The following LRTM2 variants were observed in gnomAD, a reference collection of about 807,000 sequenced individuals.
LRTM2 encodes the protein leucine-rich repeat and transmembrane domain-containing protein 2.
LRTM2 carries 18 observed loss-of-function variants against 28.1 expected under a neutral mutation model. The observed-to-expected ratio is 0.64, with a 90% CI of 0.44 to 0.95. The LOEUF (loss-of-function observed/expected upper bound fraction) is 0.95, where lower values mean the gene tolerates loss of function less well. Ranked by LOEUF, LRTM2 falls within the 40% of genes least tolerant of loss-of-function variation. The pLI is 0.00. For missense variants in LRTM2, 436 were observed against 497.2 expected (o/e 0.88, Z 1.17); for synonymous variants, 250 against 218.7 (o/e 1.14, Z -1.26).
In LRTM2 at chr12:1,828,186, G is replaced by A; in HGVS notation, c.38G>A (p.Arg13Lys). ...GGCAGCAGCCCTGGGCAGAGGGGCA[G>A]GCTCGCCCTGCAGTGGAGGCAAGTC... Reference protein sequence around the residue: ...APGSSPGQRGRLALQWRQVSW... With the variant: ...APGSSPGQRGKLALQWRQVSW... Residue 13 changes from arginine to lysine, a missense_variant, in exon 3 of 5, where the codon AGG becomes AAG. Transcript: ENST00000299194. This position sits in a 1 kb window ranked among gnomAD's most constrained non-coding sequence, Gnocchi z 4.2. The A allele has an allele frequency of 7.1e-6, 11 of 1,547,438 alleles. No individual in the cohort carries two copies. The highest frequency in any genetic ancestry group is 9.6e-6 in the Non-Finnish European group (11 of 1,145,572).
At position 1,834,451 on chromosome 12, in the gene LRTM2, C is replaced by T. The variant is rs151123520; in HGVS notation, c.843C>T (p.Pro281=). ...GTCCAGAGCCTGCTAAGCCCAAGCC[C>T]GGGGCTGAGCCGGAGCCGGAGCCCA... ...KASPEPAKPK[P]GAEPEPEPST... The change falls in exon 5 of 5, where the codon CCC becomes CCT. Residue 281 remains proline, a synonymous_variant. Transcript: ENST00000299194. This position sits in a 1 kb window ranked among gnomAD's most constrained non-coding sequence, Gnocchi z 7.6. 9.1e-4 allele frequency: 1,463 copies of T among 1,611,874 alleles called. 3 individuals carry two copies. The highest frequency in any genetic ancestry group is 1.3e-3 in the East Asian group (57 of 44,874).
Position 1,834,370 on chromosome 12 carries a change from G to C in LRTM2, c.762G>C (p.Glu254Asp). ...TGTTCAACTACTGCTCCCAGCTGGA[G>C]GACGAGAATAGCTCAGCTGGGCTGG... ...MEMFNYCSQL[E>D]DENSSAGLDI... Residue 254 changes from glutamate to aspartate, a missense_variant, in exon 5 of 5, where the codon GAG becomes GAC. By Grantham distance (45) the Glu-to-Asp change is conservative (BLOSUM62 2). Coordinates refer to ENST00000299194, the MANE Select transcript of LRTM2 (RefSeq NM_001039029.3). The surrounding 1 kb of genome is among the most constrained non-coding windows in gnomAD (Gnocchi z 7.6). 6.2e-7 allele frequency: 1 copy of C among 1,613,196 alleles called. No homozygotes were observed. Among genetic ancestry groups the C allele is most frequent in the Non-Finnish European group, 8.5e-7 (1 of 1,180,006 alleles).
chr12:1,821,622 G>T (rs1384326363), intron 1 of LRTM2, among the ~76,000 whole-genome samples: 1 of 152,168 alleles, frequency 6.6e-6, no homozygotes, highest in Non-Finnish European at 1.5e-5. Flanking sequence ...AGCTTGGGTG[G>T]GGGGTACACA....
Position 1,835,711 on chromosome 12 carries a change from G to A in LRTM2, c.*990G>A, listed in dbSNP as rs1358107869. The A allele has an allele frequency of 6.5e-6, 1 of 152,708 alleles. No homozygotes were observed. Among genetic ancestry groups the A allele is most frequent in the Non-Finnish European group, 1.5e-5 (1 of 68,122 alleles). 9.5% of individuals were successfully genotyped at this position (152,708 alleles called of 1,614,324 possible). A position where few individuals can be genotyped will look rare whatever the true frequency, so the allele number is the denominator to read the frequency against. On this transcript the variant is annotated 3_prime_UTR_variant, in exon 5 of 5. Transcript: ENST00000299194. ...TGGGCTTTCCCGGGATACCACCCAG[G>A]GGCCTGGAGCGGCTGCATGTGTGCA...
rs1243217768 is a variant in LRTM2 at position 1,831,196 on chromosome 12, C to T, written c.329C>T (p.Ser110Phe). The part of the protein sequence containing the change: ...SNNFLDRLPR[S>F]IFGDLTNLTE... ...AACTTCCTGGACCGGCTGCCCCGCT[C>T]CATTTTCGGGGACCTGACGAATCTG... Residue 110 changes from serine to phenylalanine, a missense_variant, in exon 4 of 5, where the codon TCC (serine) becomes TTC (phenylalanine). Transcript: ENST00000299194. The T allele has an allele frequency of 1.7e-5, 27 of 1,613,866 alleles. No individual in the cohort carries two copies. Among genetic ancestry groups the T allele is most frequent in the Non-Finnish European group, 2.2e-5 (26 of 1,180,018 alleles).
chr12:1,830,120 C>A (rs1024344268), intron 3 of LRTM2, among the ~76,000 whole-genome samples: 3 of 152,218 alleles, frequency 2.0e-5, no homozygotes, highest in African/African-American at 7.2e-5. Flanking sequence ...TGCCCTGTAG[C>A]CCCTAGGAAC....
Position 1,826,386 on chromosome 12 carries a change from G to T in LRTM2, c.-258-1024G>T, listed in dbSNP as rs367616327. On this transcript the variant is annotated intron_variant, in intron 1 of 4. Coordinates refer to ENST00000299194, the MANE Select transcript of LRTM2 (RefSeq NM_001039029.3). ...CAGTTTGTTTAAAGAACGGACCAGA[G>T]ATTTGAACCCAGAGCCCCCCCCCCC... is the stretch of plus-strand genomic sequence containing the variant. Among the ~76,000 whole-genome samples the T allele has an allele frequency of 2.6e-3, 376 of 144,034 alleles. 1 individual carries two copies. The highest frequency in any genetic ancestry group is 9.4e-3 in the African/African-American group (354 of 37,612). 94.5% of individuals were successfully genotyped at this position (144,034 alleles called of 152,430 possible).
intron 1 of LRTM2, among the ~76,000 whole-genome samples, chr12:1,827,178 C>A (rs545899928): frequency 6.6e-6 from 1 of 151,500 alleles, no homozygotes; most frequent in African/African-American, 2.4e-5. Flanking sequence ...ACATGCCAGT[C>A]CCCTGTCCCC....
intron 1 of LRTM2, among the ~76,000 whole-genome samples, chr12:1,824,789 G>T (rs1311263132): frequency 6.6e-6 from 1 of 152,198 alleles, no homozygotes; most frequent in Non-Finnish European, 1.5e-5. Context: ...ATGGAGGCGT[G>T]TTGGTAGGCA....
chr12:1,823,511 C>G (rs1370370004), intron 1 of LRTM2, among the ~76,000 whole-genome samples: 1 of 152,118 alleles, frequency 6.6e-6, no homozygotes, highest in African/African-American at 2.4e-5. Flanking sequence ...GCCCACTCAG[C>G]TCCGCATGTG....
At chr12:1,824,487 G>A (rs2154446596) in intron 1 of LRTM2, among the ~76,000 whole-genome samples, 1 of 152,270 alleles carries the variant, frequency 6.6e-6, no homozygotes, top group Middle Eastern at 3.4e-3. Context: ...CTCTGGAAGG[G>A]AGGCCAGGGA....
Position 1,831,461 on chromosome 12 carries a change from C to A in LRTM2, c.594C>A (p.Asn198Lys). 1 of 1,614,064 alleles carries A rather than the reference C, an allele frequency of 6.2e-7. No homozygotes were observed. The highest frequency in any genetic ancestry group is 8.5e-7 in the Non-Finnish European group (1 of 1,180,020). ...TGCAGCTGCTGCAGGTCGGGGATAA[C>A]CCCTGGGAGTGTGACTGTAACCTGC... is the stretch of plus-strand genomic sequence containing the variant. ...ANLQLLQVGD[N>K]PWECDCNLRE... is the part of the protein sequence containing the mutation. Residue 198 changes from asparagine to lysine, a missense_variant, in exon 4 of 5, where the codon AAC becomes AAA. Asn to Lys is a moderately conservative substitution (Grantham distance 94). Coordinates refer to ENST00000299194, the MANE Select transcript of LRTM2 (RefSeq NM_001039029.3).
At chr12:1,827,991 A>G (rs941711992) in intron 2 of LRTM2, 85 bp from the exon 3 acceptor site, 9 of 525,398 alleles carry the variant, frequency 1.7e-5, no homozygotes, top group Admixed American at 3.7e-5. Flanking sequence ...AGGAGTGTAA[A>G]GAGACACCCG....
At chr12:1,827,936 C>A (rs1236970609) in intron 2 of LRTM2, 140 bp from the exon 3 acceptor site, 2 of 416,002 alleles carry the variant, frequency 4.8e-6, no homozygotes, top group South Asian at 8.9e-5. Flanking sequence ...TCCTCTTCTT[C>A]CCCCACCCAG....
At position 1,835,597 on chromosome 12, in the gene LRTM2, G is replaced by A. The variant is rs1293107580; in HGVS notation, c.*876G>A. Reference sequence around the variant, plus strand: ...GAAGGAACTCAACCAGTAACACCAGGATCCTTTGAGATCCTCTAAAGTGGG... The same window carrying A: ...GAAGGAACTCAACCAGTAACACCAGAATCCTTTGAGATCCTCTAAAGTGGG... On this transcript the variant is annotated 3_prime_UTR_variant, in exon 5 of 5. Transcript: ENST00000299194. 1 of 152,630 alleles carries A rather than the reference G, an allele frequency of 6.6e-6. No individual in the cohort carries two copies. Among genetic ancestry groups the A allele is most frequent in the Non-Finnish European group, 1.5e-5 (1 of 68,068 alleles). The allele number at this position is 152,630 out of a possible 1,614,324, so 9.5% of individuals were successfully genotyped here. A position where few individuals can be genotyped will look rare whatever the true frequency, so the allele number is the denominator to read the frequency against.
intron 1 of LRTM2, among the ~76,000 whole-genome samples, chr12:1,826,702 T>G (rs545419621): frequency 0.011 from 1,316 of 122,442 alleles, 10 homozygotes; most frequent in Non-Finnish European, 0.019. Flanking sequence ...CAGGCTGCCC[T>G]TGCCGGGGGC....
intron 1 of LRTM2, among the ~76,000 whole-genome samples, chr12:1,821,524 G>A (rs774846223): frequency 2.6e-5 from 4 of 152,192 alleles, no homozygotes; most frequent in East Asian, 3.9e-4. Context: ...AACCAGGCCC[G>A]CGAGAACCTG....
chr12:1,821,057 G>A (rs1864079208), intron 1 of LRTM2, among the ~76,000 whole-genome samples: 1 of 152,236 alleles, frequency 6.6e-6, no homozygotes, highest in Admixed American at 6.5e-5. Flanking sequence ...GGATTCTGCT[G>A]GGAAGTGGGG....
In LRTM2 at chr12:1,823,613, C is replaced by T. The variant is rs573174011; in HGVS notation, c.-259+2799C>T. On this transcript the variant is annotated intron_variant, in intron 1 of 4. Coordinates refer to ENST00000299194, the MANE Select transcript of LRTM2 (RefSeq NM_001039029.3). ...CAGAGCTCCGGCCTACTCCCCTCACCTCAGCACACAACCCCCAGCCAGAAA... is the reference window on the plus strand; with the variant it reads ...CAGAGCTCCGGCCTACTCCCCTCACTTCAGCACACAACCCCCAGCCAGAAA... 2.1e-3 allele frequency among the ~76,000 whole-genome samples: 320 copies of T among 152,120 alleles called. 2 individuals are homozygous for T. Among genetic ancestry groups the T allele is most frequent in the Non-Finnish European group, 3.8e-3 (261 of 67,972 alleles).
Sources: allele counts gnomAD v4.1 joint callset (sites outside exome capture counted in the v4.1 genomes callset), GRCh38; gene constraint gnomAD v4.1.1; non-coding constraint Gnocchi (gnomAD v3.1); transcripts MANE v1.5; gene names NCBI Gene and HGNC (gene_info 2026-07-23, HGNC 2026-07-21).